Variants in MYO16 observed in about 807,000 individuals in gnomAD.
The protein encoded by MYO16 is myosin XVI.
Under a neutral mutation model 205.3 loss-of-function variants are expected in MYO16, and 94 were observed. The ratio of observed to expected loss-of-function variants is 0.46; its 90% CI spans 0.39 to 0.54. The LOEUF (loss-of-function observed/expected upper bound fraction) is 0.54, where lower values mean the gene tolerates loss of function less well. MYO16 is among the 20% of genes least tolerant of loss of function. The probability of loss-of-function intolerance (pLI) is 0.00; values close to 1 mark genes in which losing one functional copy is unlikely to be tolerated. For missense variants in MYO16, 2,315 were observed against 2,387.5 expected (o/e 0.97, Z 0.63); for synonymous variants, 988 against 954.0 (o/e 1.04, Z -0.66).
chr13:108,914,029 G>A (rs926434409), intron 16 of MYO16, among the ~76,000 whole-genome samples: 5 of 151,878 alleles, frequency 3.3e-5, no homozygotes, highest in Non-Finnish European at 7.4e-5. Flanking sequence ...CTGTGATTCT[G>A]GGGGCTGCCT....
At chr13:108,508,184 C>T in the MYO16 span, among the ~76,000 whole-genome samples, 1 of 144,148 alleles carries the variant, frequency 6.9e-6, no homozygotes, top group East Asian at 2.0e-4. Flanking sequence ...TTATTTTGTT[C>T]TTTTGATTGG....
At chr13:108,703,786 A>G (rs1443837108) in intron 2 of MYO16, among the ~76,000 whole-genome samples, 1 of 152,218 alleles carries the variant, frequency 6.6e-6, no homozygotes, top group Non-Finnish European at 1.5e-5. Context: ...AAAATTATCT[A>G]TTATGGGCTA....
intron 20 of MYO16, among the ~76,000 whole-genome samples, chr13:108,975,483 G>A (rs1385619468): frequency 1.3e-5 from 2 of 152,098 alleles, no homozygotes; most frequent in Non-Finnish European, 2.9e-5. Context: ...AGGTCAACTT[G>A]GGCAGGTTAA....
At chr13:108,952,542 G>C (rs927448346) in intron 16 of MYO16, among the ~76,000 whole-genome samples, 6 of 152,182 alleles carry the variant, frequency 3.9e-5, no homozygotes, top group African/African-American at 1.2e-4. Context: ...TCAGTATCAA[G>C]AAATACTAGT....
the MYO16 span, among the ~76,000 whole-genome samples, chr13:108,547,864 T>C: frequency 1.3e-5 from 2 of 152,212 alleles, no homozygotes; most frequent in Non-Finnish European, 2.9e-5. Context: ...TATTCTAATA[T>C]GGATCATTCT....
At chr13:109,047,686 A>G (rs1887091794) in intron 24 of MYO16, among the ~76,000 whole-genome samples, 1 of 152,166 alleles carries the variant, frequency 6.6e-6, no homozygotes, top group African/African-American at 2.4e-5. Context: ...TAACCTTTAT[A>G]GTGAATTAAA....
intron 4 of MYO16, among the ~76,000 whole-genome samples, chr13:108,763,787 T>TTGTGTGTGTG (rs56115831): frequency 0.011 from 1,539 of 142,594 alleles, 36 homozygotes; most frequent in African/African-American, 0.037. Context: ...AGAAAAGGAG[T>TTGTGTGTGTG]TGTGTGTGTG....
At chr13:109,177,313 G>C (rs1178637983) in intron 33 of MYO16, among the ~76,000 whole-genome samples, 2 of 152,090 alleles carry the variant, frequency 1.3e-5, no homozygotes, top group African/African-American at 2.4e-5. Context: ...CTTTCTCAAG[G>C]GTGGGGACTT....
At chr13:108,918,074 A>G (rs978566102) in intron 16 of MYO16, among the ~76,000 whole-genome samples, 11 of 152,360 alleles carry the variant, frequency 7.2e-5, no homozygotes, top group Admixed American at 2.6e-4. Context: ...TGGTTTTCAA[A>G]TGATTCCATA....
intron 10 of MYO16, among the ~76,000 whole-genome samples, chr13:108,854,463 C>T (rs984501063): frequency 6.6e-6 from 1 of 152,008 alleles, no homozygotes; most frequent in Non-Finnish European, 1.5e-5. Context: ...ACTACATAGA[C>T]ATGATAAGCA....
intron 3 of MYO16, 149 bp downstream of exon 3, chr13:108,712,880 C>A: frequency 1.7e-6 from 1 of 579,344 alleles, no homozygotes; most frequent in Non-Finnish European, 2.9e-6. Context: ...TGATAAGCTG[C>A]AATTATTATT....
At chr13:108,629,172 A>T (rs1195569046), upstream of MYO16, 1 of 152,200 alleles carries the variant, frequency 6.6e-6, no homozygotes, top group Non-Finnish European at 1.5e-5. Context: ...TCTGCTCAGA[A>T]AAGCAGAAAG....
At chr13:108,718,112 G>A (rs538190660) in intron 3 of MYO16, among the ~76,000 whole-genome samples, 1 of 152,180 alleles carries the variant, frequency 6.6e-6, no homozygotes, top group Admixed American at 6.5e-5. Flanking sequence ...CTACAGTAGG[G>A]GTGGTTCAAC....
intron 2 of MYO16, among the ~76,000 whole-genome samples, chr13:108,694,446 T>C (rs1042689292): frequency 1.3e-5 from 2 of 152,228 alleles, no homozygotes; most frequent in East Asian, 1.9e-4. Flanking sequence ...CAACACTTAA[T>C]GTTCCTTTAA....
Position 109,164,989 on chromosome 13 carries a change from C to A in MYO16, c.5253C>A (p.Asn1751Lys). ...AGACTCAAGACAGAAATGCAAATAA[C>A]CATGGAATTCAGTTATCTAATTCAC... ...TSETQDRNAN[N>K]HGIQLSNSLS... The change falls in exon 33 of 35, where the codon AAC becomes AAA. Residue 1751 changes from asparagine to lysine, a missense_variant. This residue lies in a region of MYO16 where 1,097 missense variants were observed against 1,092.0 expected (regional missense o/e 1.00). Coordinates refer to ENST00000457511, the MANE Select transcript of MYO16 (RefSeq NM_001198950.3). The A allele has an allele frequency of 6.2e-7, 1 of 1,606,558 alleles. No individual in the cohort carries two copies. Among genetic ancestry groups the A allele is most frequent in the Non-Finnish European group, 8.5e-7 (1 of 1,175,614 alleles).
At chr13:108,819,390 A>G (rs919925925) in intron 7 of MYO16, among the ~76,000 whole-genome samples, 1 of 152,184 alleles carries the variant, frequency 6.6e-6, no homozygotes, top group Non-Finnish European at 1.5e-5. Flanking sequence ...CATTTCTATG[A>G]ATGTCACAAA....
At chr13:108,661,781 C>A (rs903776809) in intron 1 of MYO16, among the ~76,000 whole-genome samples, 1 of 152,008 alleles carries the variant, frequency 6.6e-6, no homozygotes, top group Non-Finnish European at 1.5e-5. Context: ...ATTTCTTTTT[C>A]AGGTAAATCA....
chr13:108,737,458 T>TG (rs1356333016), intron 4 of MYO16, among the ~76,000 whole-genome samples: 1 of 152,250 alleles, frequency 6.6e-6, no homozygotes, highest in East Asian at 1.9e-4. Flanking sequence ...TTGTGTATGT[T>TG]GAATCAGCCT....
chr13:108,516,115 A>G, the MYO16 span, among the ~76,000 whole-genome samples: 1 of 151,062 alleles, frequency 6.6e-6, no homozygotes, highest in Non-Finnish European at 1.5e-5. Context: ...CTGCTGTGCT[A>G]GCAATCAGCG....
Sources: allele counts gnomAD v4.1 joint callset (sites outside exome capture counted in the v4.1 genomes callset), GRCh38; gene constraint gnomAD v4.1.1; regional missense constraint gnomAD v4.1.1; transcripts MANE v1.5; gene names NCBI Gene and HGNC (gene_info 2026-07-23, HGNC 2026-07-21).